Variants in SLC49A4 observed in about 807,000 individuals in gnomAD.
SLC49A4 encodes solute carrier family 49 member 4, also known as disrupted in renal cancer protein 2.
Under a neutral mutation model 50.6 loss-of-function variants are expected in SLC49A4, and 36 were observed. The observed-to-expected ratio is 0.71, with a 90% confidence interval of 0.55 to 0.94. SLC49A4 has a LOEUF of 0.94. Among genes scored for constraint, SLC49A4 ranks in the 40% least tolerant of loss-of-function variants. SLC49A4 has a pLI of 0.00. For missense variants in SLC49A4, 503 were observed against 605.7 expected (o/e 0.83, Z 1.78); for synonymous variants, 248 against 241.2 (o/e 1.03, Z -0.26).
chr3:122,795,637 G>T lies in SLC49A4; in HGVS notation c.343+102G>T. The T allele has an allele frequency of 3.4e-6, 5 of 1,476,608 alleles. No individual in the cohort carries two copies. The South Asian group carries it at 6.6e-5, about 19-fold the overall frequency. 91.5% of individuals were successfully genotyped at this position (1,476,608 alleles called of 1,614,324 possible). A position where few individuals can be genotyped will look rare whatever the true frequency, so the allele number is the denominator to read the frequency against. ...GCCGCCTCCCTTGGCCCCGGCATAG[G>T]GGTTGTGTGAGGTGATAGAGTGTTG... On this transcript the variant is annotated intron_variant, in intron 1 of 8. Transcript: ENST00000261038.
chr3:122,812,945 GAAA>G (rs558840555), intron 2 of SLC49A4, among the ~76,000 whole-genome samples: 3 of 151,890 alleles, frequency 2.0e-5, no homozygotes, highest in Non-Finnish European at 4.4e-5. Flanking sequence ...ATTTAAGAGG[GAAA>G]AAAAGGGAGT....
chr3:122,828,563 C>A (rs1033488033), intron 3 of SLC49A4, among the ~76,000 whole-genome samples: 1 of 152,168 alleles, frequency 6.6e-6, no homozygotes, highest in Non-Finnish European at 1.5e-5. Flanking sequence ...GCAAGCCCCA[C>A]GCAAACCTTC....
chr3:122,839,954 C>G (rs74648847), intron 4 of SLC49A4, among the ~76,000 whole-genome samples: 1 of 152,062 alleles, frequency 6.6e-6, no homozygotes, highest in Non-Finnish European at 1.5e-5. Flanking sequence ...CATGTTTATA[C>G]CAACACAATT....
At chr3:122,846,857 C>T (rs1936860167) in intron 5 of SLC49A4, among the ~76,000 whole-genome samples, 1 of 152,130 alleles carries the variant, frequency 6.6e-6, no homozygotes, top group Admixed American at 6.5e-5. Context: ...CTTTTTCTTA[C>T]CGATACGTAA....
chr3:122,849,688 G>GTTGAGT (rs1351038850), intron 5 of SLC49A4, among the ~76,000 whole-genome samples: 5 of 151,460 alleles, frequency 3.3e-5, no homozygotes, highest in Non-Finnish European at 7.4e-5. Context: ...TTTTTTTGCT[G>GTTGAGT]TTGAGTTGCT....
intron 2 of SLC49A4, among the ~76,000 whole-genome samples, chr3:122,816,352 C>A (rs1000040799): frequency 6.6e-6 from 1 of 152,094 alleles, no homozygotes; most frequent in Admixed American, 6.5e-5. Flanking sequence ...TTATATCTCT[C>A]TTGTGCCATC....
In SLC49A4 at chr3:122,826,994, C is replaced by T. The variant is rs746752195; in HGVS notation, c.632C>T (p.Thr211Ile). The T allele has an allele frequency of 6.8e-6, 11 of 1,614,074 alleles. No homozygotes were observed. The African/African-American group carries it at 1.3e-4, about 20-fold the overall frequency. ...GPLVVPAPNGTSPLLAAESSR... is the reference protein window; with the variant it reads ...GPLVVPAPNGISPLLAAESSR... The stretch of plus-strand genomic sequence containing the variant: ...CTTGTTGTTCCAGCTCCCAATGGGA[C>T]ATCACCTCTTCTTGCTGCAGAGAGC... The change falls in exon 3 of 9, where the codon ACA becomes ATA. Residue 211 changes from threonine to isoleucine, a missense_variant. Thr to Ile is a moderately conservative substitution (Grantham distance 89). Coordinates refer to ENST00000261038, the MANE Select transcript of SLC49A4 (RefSeq NM_032839.3).
intron 4 of SLC49A4, among the ~76,000 whole-genome samples, chr3:122,839,115 C>G (rs1936732917): frequency 6.6e-6 from 1 of 152,090 alleles, no homozygotes; most frequent in Non-Finnish European, 1.5e-5. Context: ...TAATCTTCAG[C>G]AAAGCATACA....
chr3:122,856,529 T>G (rs1936991986), intron 6 of SLC49A4, among the ~76,000 whole-genome samples, 155 bp downstream of exon 6: 1 of 152,216 alleles, frequency 6.6e-6, no homozygotes, highest in African/African-American at 2.4e-5. Context: ...AAAATTCATA[T>G]GCGTTATATA....
At chr3:122,857,494 A>T (rs1050771529) in intron 6 of SLC49A4, among the ~76,000 whole-genome samples, 1 of 152,136 alleles carries the variant, frequency 6.6e-6, no homozygotes, top group South Asian at 2.1e-4. Flanking sequence ...TAAGATCCAC[A>T]TATCACCTCA....
At chr3:122,845,680 C>A (rs371861950) in intron 4 of SLC49A4, 83 bp from the exon 5 acceptor site, 8 of 328,920 alleles carry the variant, frequency 2.4e-5, no homozygotes, top group East Asian at 2.7e-4. Context: ...GTTCCAGTTT[C>A]CAAATGACAT....
At chr3:122,842,892 G>A (rs1936792815) in intron 4 of SLC49A4, among the ~76,000 whole-genome samples, 1 of 152,194 alleles carries the variant, frequency 6.6e-6, no homozygotes, top group African/African-American at 2.4e-5. Flanking sequence ...CTGTGGGCCT[G>A]CCATGCCCCA....
At chr3:122,870,653 A>G (rs934875892) in intron 7 of SLC49A4, among the ~76,000 whole-genome samples, 3 of 150,968 alleles carry the variant, frequency 2.0e-5, no homozygotes, top group Non-Finnish European at 4.4e-5. Context: ...TACTAAAAAT[A>G]CAAAAAAAAT....
At chr3:122,826,758 C>T (rs187050904) in intron 2 of SLC49A4, 42 bp from the exon 3 acceptor site, 194 of 1,593,872 alleles carry the variant, frequency 1.2e-4, no homozygotes, top group Non-Finnish European at 1.5e-4. Context: ...TAGAAAATGC[C>T]TGTTTCAAAT....
chr3:122,872,491 G>A lies in SLC49A4; in HGVS notation c.1215G>A (p.Val405=). The part of the protein sequence containing the change: ...SSVPIFFELF[V]ETVYPVPEGI... Reference sequence around the variant, plus strand: ...TGCCTATATTTTTTGAGCTTTTTGTGGAAACTGTCTACCCAGTTCCAGAAG... The same window carrying A: ...TGCCTATATTTTTTGAGCTTTTTGTAGAAACTGTCTACCCAGTTCCAGAAG... The change falls in exon 8 of 9, where the codon GTG becomes GTA. Residue 405 remains valine (V), a synonymous_variant. Transcript: ENST00000261038. 6.2e-7 allele frequency: 1 copy of A among 1,613,600 alleles called. No individual in the cohort carries two copies. Among genetic ancestry groups the A allele is most frequent in the Non-Finnish European group, 8.5e-7 (1 of 1,179,634 alleles).
At chr3:122,875,649 G>A (rs149610809) in intron 8 of SLC49A4, among the ~76,000 whole-genome samples, 2 of 152,278 alleles carry the variant, frequency 1.3e-5, no homozygotes, top group African/African-American at 4.8e-5. Flanking sequence ...ACCACACCCA[G>A]CCTAGAAGGC....
In SLC49A4 at chr3:122,845,841, C is replaced by T; in HGVS notation, c.912C>T (p.Asp304=). The change falls in exon 5 of 9, where the codon GAC becomes GAT. Residue 304 remains aspartate, a synonymous_variant. Coordinates refer to ENST00000261038, the MANE Select transcript of SLC49A4 (RefSeq NM_032839.3). The part of the protein sequence containing the change: ...GVFAGWSGVL[D]LILTPAHVSQ... ...TTGCTGGCTGGTCTGGAGTTCTGGA[C>T]TTAATTTTAACACCAGCGCATGTCA... 1 of 1,612,526 alleles carries T rather than the reference C, an allele frequency of 6.2e-7. No individual in the cohort carries two copies. Among genetic ancestry groups the T allele is most frequent in the Non-Finnish European group, 8.5e-7 (1 of 1,179,166 alleles).
intron 2 of SLC49A4, among the ~76,000 whole-genome samples, chr3:122,819,883 A>G (rs1936427638): frequency 6.6e-6 from 1 of 151,866 alleles, no homozygotes; most frequent in African/African-American, 2.4e-5. Flanking sequence ...TTGATATGGC[A>G]TAATTAGGAA....
At chr3:122,860,244 T>G in intron 7 of SLC49A4, 42 bp downstream of exon 7, 1 of 1,534,114 alleles carries the variant, frequency 6.5e-7, no homozygotes, top group Non-Finnish European at 8.8e-7. Flanking sequence ...AATATTTTCA[T>G]TCACAGAAGT....
Sources: gnomAD v4.1 joint callset for allele counts (sites outside exome capture counted in the v4.1 genomes callset) on GRCh38, gnomAD v4.1.1 for gene constraint, MANE v1.5 for transcripts, NCBI Gene and HGNC (gene_info 2026-07-23, HGNC 2026-07-21) for gene names.